Variants in ACTL8 observed in about 807,000 individuals in gnomAD.
ACTL8 encodes the protein actin like 8.
Under a neutral mutation model 9.3 loss-of-function variants are expected in ACTL8, and 3 were observed. The ratio of observed to expected loss-of-function variants is 0.32; its 90% CI spans 0.15 to 0.83. ACTL8 has a LOEUF of 0.83. Among genes scored for constraint, ACTL8 ranks in the 40% least tolerant of loss-of-function variants. The pLI, the probability that ACTL8 is intolerant of heterozygous loss-of-function variation, is 0.57. For missense variants in ACTL8, 381 were observed against 492.2 expected (o/e 0.77, Z 2.14); for synonymous variants, 224 against 205.9 (o/e 1.09, Z -0.75).
chr1:17,818,855 C>T (rs2053621129), intron 1 of ACTL8, among the ~76,000 whole-genome samples: 2 of 152,246 alleles, frequency 1.3e-5, no homozygotes, highest in Admixed American at 6.5e-5. Context: ...AGAATGTAAA[C>T]TCCAGAAGGG....
chr1:17,818,507 G>A (rs754252441), intron 1 of ACTL8, among the ~76,000 whole-genome samples: 3 of 152,202 alleles, frequency 2.0e-5, no homozygotes, highest in Non-Finnish European at 4.4e-5. Context: ...CAGATCTCCA[G>A]TATCCTCCCT....
chr1:17,790,753 C>A (rs2066233011), intron 1 of ACTL8, among the ~76,000 whole-genome samples: 1 of 152,242 alleles, frequency 6.6e-6, no homozygotes, highest in Non-Finnish European at 1.5e-5. Context: ...GTTCATAGTG[C>A]CCCAGGCTGT....
intron 1 of ACTL8, among the ~76,000 whole-genome samples, chr1:17,803,109 G>A (rs1380359345): frequency 6.6e-6 from 1 of 152,176 alleles, no homozygotes; most frequent in African/African-American, 2.4e-5. Flanking sequence ...TTGGTGGGAG[G>A]TAATTGAGTC....
intron 1 of ACTL8, among the ~76,000 whole-genome samples, chr1:17,765,531 C>T (rs184763747): frequency 6.6e-6 from 1 of 152,290 alleles, no homozygotes; most frequent in Non-Finnish European, 1.5e-5. Context: ...AGTGAGGTAA[C>T]GTGCCCAAGC....
At chr1:17,778,594 G>A (rs181863155) in intron 1 of ACTL8, among the ~76,000 whole-genome samples, 7 of 152,282 alleles carry the variant, frequency 4.6e-5, no homozygotes, top group African/African-American at 1.7e-4. Flanking sequence ...TATTCTCGGG[G>A]ATGAATCTGC....
intron 1 of ACTL8, among the ~76,000 whole-genome samples, chr1:17,790,552 T>C (rs1056605268): frequency 2.6e-5 from 4 of 152,218 alleles, no homozygotes; most frequent in Non-Finnish European, 1.5e-5. Flanking sequence ...CCAGGGCTTT[T>C]ATGGGCCTCA....
At chr1:17,804,211 G>A (rs2066342433) in intron 1 of ACTL8, among the ~76,000 whole-genome samples, 1 of 152,162 alleles carries the variant, frequency 6.6e-6, no homozygotes, top group South Asian at 2.1e-4. Context: ...GCTGTAGTGG[G>A]AAACACTAAA....
intron 1 of ACTL8, among the ~76,000 whole-genome samples, chr1:17,758,329 T>G (rs946924244): frequency 9.2e-5 from 14 of 152,208 alleles, no homozygotes; most frequent in African/African-American, 3.1e-4. Flanking sequence ...GGTGAATTGA[T>G]TAGAGTGTCT....
rs142217367 is a variant in ACTL8 at position 17,767,147 on chromosome 1, T to C, written c.-25+11643T>C. On this transcript the variant is annotated intron_variant, in intron 1 of 2. Coordinates refer to ENST00000375406, the MANE Select transcript of ACTL8 (RefSeq NM_030812.3). This position sits in a 1 kb window ranked among gnomAD's most constrained non-coding sequence, Gnocchi z 4.7. ...GGGGAAGCGAGACGGGTGAGCATCA[T>C]GAAGAAGGGGTTCCAGGCAGAGAGC... is the stretch of plus-strand genomic sequence containing the variant. Among the ~76,000 whole-genome samples, 163 of 152,060 alleles carry C rather than the reference T, an allele frequency of 1.1e-3. 2 individuals carry two copies. The highest frequency in any genetic ancestry group is 3.4e-3 in the Middle Eastern group (1 of 294).
chr1:17,765,844 G>A (rs1421819919), intron 1 of ACTL8, among the ~76,000 whole-genome samples: 1 of 152,226 alleles, frequency 6.6e-6, no homozygotes, highest in Non-Finnish European at 1.5e-5. Context: ...TTGATGAGCT[G>A]TGGGTTCATT....
chr1:17,823,187 C>G lies in ACTL8; in HGVS notation c.179C>G (p.Pro60Arg), dbSNP rs1465193708. ...AGCCTGGGCATCGACATTTGCCATCCTGACACCTTTAGCTACCCCATCGAG... is the reference window on the plus strand; with the variant it reads ...AGCCTGGGCATCGACATTTGCCATCGTGACACCTTTAGCTACCCCATCGAG... ...RVSLGIDICH[P>R]DTFSYPIERG... Residue 60 changes from proline to arginine, a missense_variant, in exon 2 of 3, where the codon CCT (proline) becomes CGT (arginine). Pro to Arg is a moderately radical substitution (Grantham distance 103). Coordinates refer to ENST00000375406, the MANE Select transcript of ACTL8 (RefSeq NM_030812.3). This position sits in a 1 kb window ranked among gnomAD's most constrained non-coding sequence, Gnocchi z 5.3. 1.4e-5 allele frequency: 22 copies of G among 1,614,090 alleles called. No individual in the cohort carries two copies. Among genetic ancestry groups the G allele is most frequent in the Non-Finnish European group, 1.9e-5 (22 of 1,180,050 alleles).
chr1:17,822,928 G>A (rs1014735883), intron 1 of ACTL8, 57 bp from the exon 2 acceptor site: 3 of 1,215,242 alleles, frequency 2.5e-6, no homozygotes, highest in Non-Finnish European at 3.5e-6. Flanking sequence ...AGAGGGGGAA[G>A]CTGCTTATGG....
At chr1:17,809,914 T>C in intron 1 of ACTL8, among the ~76,000 whole-genome samples, 1 of 152,208 alleles carries the variant, frequency 6.6e-6, no homozygotes, top group South Asian at 2.1e-4. Context: ...GGAAAAATTA[T>C]CTTCCACAAA....
rs1248723614 is a variant in ACTL8 at position 17,823,140 on chromosome 1, C to A, written c.132C>A (p.Pro44=). ...NYLPCKENPG[P]SYARRRVSLG... The stretch of plus-strand genomic sequence containing the variant: ...TACCGTGCAAGGAGAACCCTGGCCC[C>A]AGCTATGCCCGTAGGCGTGTGAGCC... Residue 44 remains proline (P), a synonymous_variant, in exon 2 of 3, where the codon CCC becomes CCA. Coordinates refer to ENST00000375406, the MANE Select transcript of ACTL8 (RefSeq NM_030812.3). This position sits in a 1 kb window ranked among gnomAD's most constrained non-coding sequence, Gnocchi z 5.3. 19 of 1,614,236 alleles carry A rather than the reference C, an allele frequency of 1.2e-5. No homozygotes were observed. The highest frequency in any genetic ancestry group is 1.5e-5 in the Non-Finnish European group (18 of 1,180,046).
chr1:17,760,154 A>G (rs144907946), intron 1 of ACTL8, among the ~76,000 whole-genome samples: 12 of 152,304 alleles, frequency 7.9e-5, no homozygotes, highest in Non-Finnish European at 1.6e-4. Context: ...CTCTTGGATA[A>G]ATACCTCGAA....
At chr1:17,802,424 C>CGTGCGTGTGTGTGTGT (rs1486912826) in intron 1 of ACTL8, among the ~76,000 whole-genome samples, 1 of 146,592 alleles carries the variant, frequency 6.8e-6, no homozygotes, top group African/African-American at 2.5e-5. Flanking sequence ...ACTGTGCGTG[C>CGTGCGTGTGTGTGTGT]GTGTGTGTGT....
intron 1 of ACTL8, among the ~76,000 whole-genome samples, chr1:17,780,222 A>C (rs567858166): frequency 2.0e-5 from 3 of 152,212 alleles, no homozygotes; most frequent in Non-Finnish European, 4.4e-5. Context: ...AAAAAACCCC[A>C]AAAACAAAAA....
intron 1 of ACTL8, among the ~76,000 whole-genome samples, chr1:17,797,591 C>G (rs926775281): frequency 6.6e-6 from 1 of 152,208 alleles, no homozygotes; most frequent in African/African-American, 2.4e-5. Flanking sequence ...ATTTCTCAAG[C>G]TTGACCAATA....
chr1:17,805,365 C>CTTTTTT (rs1465837822), intron 1 of ACTL8, among the ~76,000 whole-genome samples: 1 of 83,078 alleles, frequency 1.2e-5, no homozygotes, highest in Admixed American at 1.3e-4. Flanking sequence ...GATATATTTT[C>CTTTTTT]TTTTTCTTTT....
Sources: allele counts gnomAD v4.1 joint callset (sites outside exome capture counted in the v4.1 genomes callset), GRCh38; gene constraint gnomAD v4.1.1; non-coding constraint Gnocchi (gnomAD v3.1); transcripts MANE v1.5; gene names NCBI Gene and HGNC (gene_info 2026-07-23, HGNC 2026-07-21).